Variants in LRMDA observed in about 807,000 individuals in gnomAD.
The protein encoded by LRMDA is leucine rich melanocyte differentiation associated.
A neutral mutation model predicts 29.8 loss-of-function variants in LRMDA; 18 were observed. The observed-to-expected ratio is 0.60, with a 90% CI of 0.42 to 0.90. The LOEUF (loss-of-function observed/expected upper bound fraction) is 0.90, where lower values mean the gene tolerates loss of function less well. Among genes scored for constraint, LRMDA ranks in the 40% least tolerant of loss-of-function variants. The probability of loss-of-function intolerance (pLI) is 0.00; values close to 1 mark genes in which losing one functional copy is unlikely to be tolerated. For missense variants in LRMDA, 273 were observed against 273.9 expected, an observed-to-expected ratio of 1.00 and a Z score of 0.02; for synonymous variants, 125 against 109.4, an observed-to-expected ratio of 1.14 and a Z score of -0.89.
chr10:75,864,147 G>A (rs578002040), intron 2 of LRMDA, among the ~76,000 whole-genome samples: 2 of 152,258 alleles, frequency 1.3e-5, no homozygotes, highest in East Asian at 1.9e-4. Flanking sequence ...ACTCTTTAAG[G>A]TTATCTTGAG....
chr10:76,091,663 C>G (rs1304428609), intron 5 of LRMDA, among the ~76,000 whole-genome samples: 1 of 151,974 alleles, frequency 6.6e-6, no homozygotes, highest in African/African-American at 2.4e-5. Flanking sequence ...GCATCCCCCT[C>G]CCACCAACTC....
intron 6 of LRMDA, among the ~76,000 whole-genome samples, chr10:76,483,086 T>C (rs1303894341): frequency 6.6e-6 from 1 of 152,014 alleles, no homozygotes; most frequent in African/African-American, 2.4e-5. Flanking sequence ...TGAATTATCT[T>C]ATTATGTCCT....
intron 6 of LRMDA, among the ~76,000 whole-genome samples, chr10:76,423,555 C>T (rs886569393): frequency 3.3e-5 from 5 of 152,046 alleles, no homozygotes; most frequent in African/African-American, 1.2e-4. Context: ...TGAAGTCATT[C>T]ATGTGATTAT....
intron 5 of LRMDA, among the ~76,000 whole-genome samples, chr10:76,078,758 C>T (rs945567329): frequency 2.0e-5 from 3 of 152,174 alleles, no homozygotes; most frequent in African/African-American, 4.8e-5. Context: ...ATGGCGTGAA[C>T]CCAGGAGGCA....
At chr10:76,540,340 C>T (rs910236679) in intron 6 of LRMDA, among the ~76,000 whole-genome samples, 9 of 151,038 alleles carry the variant, frequency 6.0e-5, no homozygotes, top group Non-Finnish European at 1.2e-4. Context: ...GAAAAAATTC[C>T]CAAGACATTG....
At chr10:75,528,923 TA>T (rs1845444835) in intron 2 of LRMDA, among the ~76,000 whole-genome samples, 1 of 152,044 alleles carries the variant, frequency 6.6e-6, no homozygotes, top group East Asian at 1.9e-4. Context: ...AAAAAGCCCT[TA>T]AAAATTCAAC....
At chr10:75,550,154 G>A (rs938177931) in intron 2 of LRMDA, among the ~76,000 whole-genome samples, 3 of 152,156 alleles carry the variant, frequency 2.0e-5, no homozygotes, top group African/African-American at 7.2e-5. Context: ...CCCTTCAAAA[G>A]AATGTGGATT....
intron 2 of LRMDA, among the ~76,000 whole-genome samples, chr10:75,902,503 G>GCTATCTGAAT (rs1845692120): frequency 3.5e-5 from 2 of 57,892 alleles, no homozygotes; most frequent in African/African-American, 4.3e-4. Context: ...TTTGCTTTGG[G>GCTATCTGAAT]GTATCTAGAG....
intron 6 of LRMDA, among the ~76,000 whole-genome samples, chr10:76,448,380 A>G (rs1053580607): frequency 1.3e-5 from 2 of 152,164 alleles, no homozygotes; most frequent in African/African-American, 4.8e-5. Context: ...CTCTTAGCAT[A>G]AATTAACAAG....
At chr10:75,676,626 G>A (rs545479208) in intron 2 of LRMDA, among the ~76,000 whole-genome samples, 5 of 152,228 alleles carry the variant, frequency 3.3e-5, no homozygotes, top group East Asian at 3.9e-4. Flanking sequence ...TCTTTGGTTC[G>A]TGATGGCATT....
At chr10:76,013,819 G>T (rs553388893) in intron 2 of LRMDA, among the ~76,000 whole-genome samples, 1 of 151,902 alleles carries the variant, frequency 6.6e-6, no homozygotes, top group African/African-American at 2.4e-5. Context: ...AGACCCCATT[G>T]GTGCTCTGCC....
chr10:75,676,478 T>G (rs922818719), intron 2 of LRMDA, among the ~76,000 whole-genome samples: 19 of 152,242 alleles, frequency 1.2e-4, no homozygotes, highest in African/African-American at 4.6e-4. Flanking sequence ...TACCCTGAAC[T>G]GTTTCTGTTT....
intron 2 of LRMDA, among the ~76,000 whole-genome samples, chr10:75,581,151 A>C (rs1840585729): frequency 6.6e-6 from 1 of 152,192 alleles, no homozygotes; most frequent in African/African-American, 2.4e-5. Flanking sequence ...AATGGGAGAA[A>C]ATTTTTGCAA....
intron 2 of LRMDA, among the ~76,000 whole-genome samples, chr10:75,757,928 T>C (rs1312952404): frequency 6.6e-6 from 1 of 151,718 alleles, no homozygotes; most frequent in Admixed American, 6.6e-5. Context: ...GCCTCCCAAG[T>C]AGTTGGAATT....
At chr10:75,738,920 G>T (rs1842797110) in intron 2 of LRMDA, among the ~76,000 whole-genome samples, 1 of 152,146 alleles carries the variant, frequency 6.6e-6, no homozygotes, top group Admixed American at 6.5e-5. Context: ...CTATTTTCTG[G>T]TTACATTTTT....
chr10:76,416,235 G>T (rs1043546765), intron 6 of LRMDA, among the ~76,000 whole-genome samples: 1 of 152,190 alleles, frequency 6.6e-6, no homozygotes. Context: ...CTCTGAAGGT[G>T]GTTCACATGA....
intron 2 of LRMDA, among the ~76,000 whole-genome samples, chr10:75,540,409 CA>C (rs954970215): frequency 1.3e-5 from 2 of 152,184 alleles, no homozygotes; most frequent in African/African-American, 4.8e-5. Flanking sequence ...AGACCAGGCA[CA>C]AGAGGAATGT....
At chr10:75,735,326 A>G (rs984981038) in intron 2 of LRMDA, among the ~76,000 whole-genome samples, 5 of 152,130 alleles carry the variant, frequency 3.3e-5, no homozygotes, top group African/African-American at 4.8e-5. Flanking sequence ...CAAAATGAGA[A>G]GTAGAGGGTG....
At chr10:75,604,950 G>A (rs1008688439) in intron 2 of LRMDA, among the ~76,000 whole-genome samples, 2 of 152,162 alleles carry the variant, frequency 1.3e-5, no homozygotes, top group Non-Finnish European at 2.9e-5. Context: ...ACCGCAGTCT[G>A]TGTATGCCCC....
Sources: allele counts gnomAD v4.1 joint callset (sites outside exome capture counted in the v4.1 genomes callset), GRCh38; gene constraint gnomAD v4.1.1; transcripts MANE v1.5; gene names NCBI Gene and HGNC (gene_info 2026-07-23, HGNC 2026-07-21).